ZFP3: variants seen among roughly 807,000 people sequenced by gnomAD.
ZFP3 encodes ZFP3 zinc finger protein, also known as zinc finger protein 3 homolog.
A neutral mutation model predicts 36.7 loss-of-function variants in ZFP3; 18 were observed. The observed-to-expected ratio is 0.49, with a 90% CI of 0.34 to 0.73. The LOEUF (loss-of-function observed/expected upper bound fraction) is 0.73, where lower values mean the gene tolerates loss of function less well. ZFP3 is among the 30% of genes least tolerant of loss of function. The pLI, the probability that ZFP3 is intolerant of heterozygous loss-of-function variation, is 0.01. For missense variants in ZFP3, 495 were observed against 599.0 expected, an observed-to-expected ratio of 0.83 and a Z score of 1.81; for synonymous variants, 218 against 199.0, an observed-to-expected ratio of 1.10 and a Z score of -0.81.
Position 5,091,638 on chromosome 17 carries a change from A to C in ZFP3, c.134A>C (p.Asp45Ala). Reference protein sequence around the residue: ...GHEFGAGCEEDMLEGHSRESM... With the variant: ...GHEFGAGCEEAMLEGHSRESM... The stretch of plus-strand genomic sequence containing the variant: ...GAGTTTGGAGCAGGATGTGAAGAAG[A>C]CATGTTGGAGGGACATTCGAGAGAG... The change falls in exon 2 of 2, where the codon GAC becomes GCC. Residue 45 changes from aspartate (D) to alanine (A), a missense_variant. Asp to Ala is a moderately radical substitution (Grantham distance 126, BLOSUM62 -2). This residue lies in a region of ZFP3 where 229 missense variants were observed against 233.8 expected (regional missense o/e 0.98). Coordinates refer to ENST00000318833, the MANE Select transcript of ZFP3 (RefSeq NM_153018.3). 6.2e-7 allele frequency: 1 copy of C among 1,614,242 alleles called. No individual in the cohort carries two copies. The highest frequency in any genetic ancestry group is 8.5e-7 in the Non-Finnish European group (1 of 1,180,058).
intron 1 of ZFP3, among the ~76,000 whole-genome samples, chr17:5,082,551 G>A (rs934589099): frequency 6.6e-6 from 1 of 151,920 alleles, no homozygotes; most frequent in Non-Finnish European, 1.5e-5. Context: ...TTTGAGACAG[G>A]GTCTCTTATT....
intron 1 of ZFP3, among the ~76,000 whole-genome samples, chr17:5,082,199 T>C (rs185913317): frequency 1.3e-5 from 2 of 151,662 alleles, no homozygotes; most frequent in East Asian, 4.0e-4. Context: ...TATAAAAAAT[T>C]AGCCGGGCCT....
intron 1 of ZFP3, among the ~76,000 whole-genome samples, chr17:5,081,799 C>T (rs897944542): frequency 6.6e-6 from 1 of 150,756 alleles, no homozygotes; most frequent in South Asian, 2.1e-4. Context: ...GGCGGGGTTT[C>T]ACCGTAATAG....
intron 1 of ZFP3, among the ~76,000 whole-genome samples, chr17:5,086,018 A>G (rs913857437): frequency 1.3e-5 from 2 of 152,238 alleles, no homozygotes; most frequent in Admixed American, 6.5e-5. Flanking sequence ...ATTCTCGACA[A>G]TGGATTCTTA....
chr17:5,091,151 C>G (rs2072147656), intron 1 of ZFP3, among the ~76,000 whole-genome samples: 1 of 152,204 alleles, frequency 6.6e-6, no homozygotes, highest in South Asian at 2.1e-4. Flanking sequence ...TTTCTCACTC[C>G]TGTCAGCATC....
At position 5,093,774 on chromosome 17, in the gene ZFP3, G is replaced by T. The variant is rs2072164368; in HGVS notation, c.*761G>T. On this transcript the variant is annotated 3_prime_UTR_variant, in exon 2 of 2. Coordinates refer to ENST00000318833, the MANE Select transcript of ZFP3 (RefSeq NM_153018.3). Reference sequence around the variant, plus strand: ...CTTATTCATCTGAAGAGGCTGCCATGATGGAGGAACTGACAGGCAATTTAC... The same window carrying T: ...CTTATTCATCTGAAGAGGCTGCCATTATGGAGGAACTGACAGGCAATTTAC... 6.0e-6 allele frequency: 1 copy of T among 167,064 alleles called. No homozygotes were observed. The highest frequency in any genetic ancestry group is 6.5e-5 in the Admixed American group (1 of 15,282). The allele number at this position is 167,064 out of a possible 1,614,324, so 10.3% of individuals were successfully genotyped here.
At chr17:5,085,517 C>T (rs564673179) in intron 1 of ZFP3, among the ~76,000 whole-genome samples, 23 of 152,174 alleles carry the variant, frequency 1.5e-4, no homozygotes, top group Non-Finnish European at 2.6e-4. Flanking sequence ...TACAAGCGCC[C>T]GCCACCACGC....
At chr17:5,079,906 G>A (rs2072084549) in intron 1 of ZFP3, among the ~76,000 whole-genome samples, 1 of 152,184 alleles carries the variant, frequency 6.6e-6, no homozygotes, top group Admixed American at 6.5e-5. Context: ...AGGCGTGGTG[G>A]CAGATGCCTG....
chr17:5,089,106 G>C (rs2072136534), intron 1 of ZFP3, among the ~76,000 whole-genome samples: 1 of 152,106 alleles, frequency 6.6e-6, no homozygotes, highest in Non-Finnish European at 1.5e-5. Context: ...CAAATCCCCA[G>C]GACAGTTTTA....
rs769392736 is a variant in ZFP3 at position 5,091,702 on chromosome 17, G to A, written c.198G>A (p.Glu66=). The change falls in exon 2 of 2, where the codon GAG becomes GAA. Residue 66 remains glutamate, a synonymous_variant. Coordinates refer to ENST00000318833, the MANE Select transcript of ZFP3 (RefSeq NM_153018.3). ...EEVIEQMSPQ[E]RDFPSGLMIF... The stretch of plus-strand genomic sequence containing the variant: ...TTATAGAGCAGATGTCTCCTCAGGA[G>A]AGAGACTTTCCATCAGGGTTGATGA... The A allele has an allele frequency of 3.1e-6, 5 of 1,614,108 alleles. No individual in the cohort carries two copies. In the Admixed American group the frequency reaches 6.7e-5, roughly 22 times the overall value.
chr17:5,091,384 C>A, intron 1 of ZFP3, 113 bp from the exon 2 acceptor site: 4 of 1,206,686 alleles, frequency 3.3e-6, no homozygotes, highest in Non-Finnish European at 4.6e-6. Flanking sequence ...CCTCCCCTGA[C>A]CAAGACTGTT....
chr17:5,091,286 C>T (rs905359993), intron 1 of ZFP3, among the ~76,000 whole-genome samples: 1 of 152,064 alleles, frequency 6.6e-6, no homozygotes, highest in Non-Finnish European at 1.5e-5. Flanking sequence ...CTCGCCCTGT[C>T]ACCCAGGCTG....
At chr17:5,080,029 G>A (rs908749133) in intron 1 of ZFP3, among the ~76,000 whole-genome samples, 1 of 151,622 alleles carries the variant, frequency 6.6e-6, no homozygotes, top group African/African-American at 2.4e-5. Context: ...ACAGAGCGAG[G>A]CTCCATCTCC....
chr17:5,092,057 C>G lies in ZFP3; in HGVS notation c.553C>G (p.Arg185Gly), dbSNP rs202200107. The G allele has an allele frequency of 6.2e-7, 1 of 1,614,134 alleles. No homozygotes were observed. Among genetic ancestry groups the G allele is most frequent in the Non-Finnish European group, 8.5e-7 (1 of 1,180,028 alleles). ...GACATTTGGAACTAATTCAAGCCTTCGACGGCACCTGAGAATTCATGCTGG... is the reference window on the plus strand; with the variant it reads ...GACATTTGGAACTAATTCAAGCCTTGGACGGCACCTGAGAATTCATGCTGG... ...GKTFGTNSSLRRHLRIHAGEK... is the reference protein window; with the variant it reads ...GKTFGTNSSLGRHLRIHAGEK... The change falls in exon 2 of 2, where the codon CGA becomes GGA. Residue 185 changes from arginine to glycine, a missense_variant. Physicochemically the swap from Arg to Gly is moderately radical, Grantham distance 125. This residue lies in a region of ZFP3 where 229 missense variants were observed against 233.8 expected (regional missense o/e 0.98). Coordinates refer to ENST00000318833, the MANE Select transcript of ZFP3 (RefSeq NM_153018.3). The surrounding 1 kb of genome is among the most constrained non-coding windows in gnomAD (Gnocchi z 5.0).
intron 1 of ZFP3, 92 bp from the exon 2 acceptor site, chr17:5,091,405 A>T: frequency 7.5e-7 from 1 of 1,329,898 alleles, no homozygotes; most frequent in African/African-American, 1.5e-5. Context: ...TCTGAGTGCT[A>T]TGAGAACTAC....
chr17:5,079,010 C>T (rs1475784962), intron 1 of ZFP3, among the ~76,000 whole-genome samples: 2 of 151,930 alleles, frequency 1.3e-5, no homozygotes, highest in African/African-American at 2.4e-5. Context: ...GAGGGGTGGT[C>T]GTGAAAAGGA....
intron 1 of ZFP3, among the ~76,000 whole-genome samples, chr17:5,089,742 A>AC (rs1471244132): frequency 6.8e-6 from 1 of 147,136 alleles, no homozygotes; most frequent in Non-Finnish European, 1.5e-5. Context: ...TGCAGCCTTG[A>AC]CCCCCTGGGC....
At chr17:5,082,122 T>C (rs1597902885) in intron 1 of ZFP3, among the ~76,000 whole-genome samples, 1 of 149,342 alleles carries the variant, frequency 6.7e-6, no homozygotes, top group Non-Finnish European at 1.5e-5. Context: ...CCGAGGCGGG[T>C]GGATCATGAG....
At position 5,092,187 on chromosome 17, in the gene ZFP3, A is replaced by C. The variant is rs773365339; in HGVS notation, c.683A>C (p.Glu228Ala). ...IHTGERPYKC[E>A]ECGKAFSQNS... ...ACTGGAGAGAGACCCTATAAATGTG[A>C]AGAATGTGGTAAAGCCTTCAGTCAA... The change falls in exon 2 of 2, where the codon GAA becomes GCA. Residue 228 changes from glutamate to alanine, a missense_variant. Glu to Ala is a moderately radical substitution (Grantham distance 107). Coordinates refer to ENST00000318833, the MANE Select transcript of ZFP3 (RefSeq NM_153018.3). This position sits in a 1 kb window ranked among gnomAD's most constrained non-coding sequence, Gnocchi z 5.0. 6 of 1,614,186 alleles carry C rather than the reference A, an allele frequency of 3.7e-6. No individual in the cohort carries two copies. Among genetic ancestry groups the C allele is most frequent in the Non-Finnish European group, 5.1e-6 (6 of 1,180,034 alleles).
Sources: allele counts gnomAD v4.1 joint callset (sites outside exome capture counted in the v4.1 genomes callset), GRCh38; gene constraint gnomAD v4.1.1; regional missense constraint gnomAD v4.1.1; non-coding constraint Gnocchi (gnomAD v3.1); transcripts MANE v1.5; gene names NCBI Gene and HGNC (gene_info 2026-07-23, HGNC 2026-07-21).